Variants in IL13RA1 observed in about 807,000 individuals in gnomAD.
IL13RA1 encodes interleukin-13 receptor subunit alpha-1.
IL13RA1 carries 14 observed loss-of-function variants against 33.8 expected under a neutral mutation model. The ratio of observed to expected loss-of-function variants is 0.41; its 90% CI spans 0.27 to 0.65. The LOEUF is 0.65. Ranked by LOEUF, IL13RA1 falls within the 30% of genes least tolerant of loss-of-function variation. The probability of loss-of-function intolerance (pLI) is 0.28; values close to 1 mark genes in which losing one functional copy is unlikely to be tolerated. For missense variants in IL13RA1, 313 were observed against 327.0 expected (o/e 0.96, Z 0.33); for synonymous variants, 116 against 115.7 (o/e 1.00, Z -0.02).
intron 6 of IL13RA1, among the ~76,000 whole-genome samples, chrX:118,765,173 C>T (rs1220159226): frequency 9.0e-6 from 1 of 111,550 alleles, no homozygotes; most frequent in Non-Finnish European, 1.9e-5. Flanking sequence ...TCTCAGCTCA[C>T]TGCAACCTCC....
At chrX:118,775,633 C>T (rs2017773838) in intron 9 of IL13RA1, among the ~76,000 whole-genome samples, 1 of 111,073 alleles carries the variant, frequency 9.0e-6, no homozygotes, top group African/African-American at 3.3e-5. Flanking sequence ...CTGTTAGTTG[C>T]CTGTCTGTGG....
chrX:118,739,380 G>A (rs2017318364), intron 1 of IL13RA1, among the ~76,000 whole-genome samples: 1 of 111,682 alleles, frequency 9.0e-6, no homozygotes, highest in South Asian at 3.7e-4. Context: ...TGCTCAGTTA[G>A]GGAGGAAGGT....
intron 1 of IL13RA1, among the ~76,000 whole-genome samples, chrX:118,730,776 C>G (rs1251463052): frequency 8.9e-6 from 1 of 112,098 alleles, no homozygotes; most frequent in Non-Finnish European, 1.9e-5. Context: ...CGAACCCTTC[C>G]TGTCCAGGAC....
chrX:118,739,467 C>G (rs771379557), intron 1 of IL13RA1, among the ~76,000 whole-genome samples: 2 of 112,115 alleles, frequency 1.8e-5, no homozygotes, highest in African/African-American at 6.5e-5. Flanking sequence ...AGATTTAACT[C>G]TATCATTTGG....
chrX:118,770,298 C>A (rs770332342), intron 8 of IL13RA1: 1 of 347,288 alleles, frequency 2.9e-6, no homozygotes, highest in Non-Finnish European at 5.6e-6. Context: ...AACGACTCCT[C>A]GCTGTGGCAC....
chrX:118,780,389 A>G (rs766881479), intron 10 of IL13RA1, among the ~76,000 whole-genome samples: 1 of 112,890 alleles, frequency 8.9e-6, no homozygotes, highest in Non-Finnish European at 1.9e-5. Flanking sequence ...AGATGGGGAC[A>G]TGAGGAGCCA....
chrX:118,757,678 C>CTTTTTTTTTTT (rs765835021), intron 4 of IL13RA1, among the ~76,000 whole-genome samples: 2 of 58,352 alleles, frequency 3.4e-5, no homozygotes, highest in African/African-American at 7.4e-5. Flanking sequence ...AGAATTCTGC[C>CTTTTTTTTTTT]TTTTTTTTTT....
chrX:118,770,323 C>T (rs771277942), intron 8 of IL13RA1: 30 of 351,881 alleles, frequency 8.5e-5, no homozygotes, highest in East Asian at 8.4e-4. Flanking sequence ...GCTGGCCCGG[C>T]GAGCCCTACG....
At chrX:118,756,473 G>A (rs2017531496) in intron 4 of IL13RA1, among the ~76,000 whole-genome samples, 1 of 111,667 alleles carries the variant, frequency 9.0e-6, no homozygotes, top group Non-Finnish European at 1.9e-5. Context: ...ACAGTGGAGT[G>A]AGACACTTAG....
At chrX:118,770,077 G>T in intron 8 of IL13RA1, 2 of 257,823 alleles carry the variant, frequency 7.8e-6, no homozygotes, top group South Asian at 7.3e-5. Context: ...CATGCGCCTG[G>T]TACTTCTCAC....
At position 118,793,816 on chromosome X, in the gene IL13RA1, C is replaced by T. The variant is rs1470706268; in HGVS notation, c.*1962C>T. 2 of 111,701 alleles carry T rather than the reference C, an allele frequency of 1.8e-5. No individual in the cohort carries two copies. Among genetic ancestry groups the T allele is most frequent in the African/African-American group, 6.5e-5 (2 of 30,673 alleles). The allele number at this position is 111,701 out of a possible 1,213,427, so 9.2% of individuals were successfully genotyped here. On this transcript the variant is annotated 3_prime_UTR_variant, in exon 11 of 11. Coordinates refer to ENST00000371666, the MANE Select transcript of IL13RA1 (RefSeq NM_001560.3). ...CATGGCCGTGTAGAAGCATGGTGCCCTGGCTTCTCTGAGGAAGCTGGGGTT... is the reference window on the plus strand; with the variant it reads ...CATGGCCGTGTAGAAGCATGGTGCCTTGGCTTCTCTGAGGAAGCTGGGGTT...
At chrX:118,747,758 A>G (rs981853735) in intron 3 of IL13RA1, among the ~76,000 whole-genome samples, 2 of 110,615 alleles carry the variant, frequency 1.8e-5, no homozygotes, top group Non-Finnish European at 3.8e-5. Context: ...CTCTTATGTT[A>G]CATACAGGGA....
chrX:118,784,502 C>T (rs776160068), intron 10 of IL13RA1, among the ~76,000 whole-genome samples: 94 of 111,081 alleles, frequency 8.5e-4, no homozygotes, highest in Non-Finnish European at 1.5e-3. Flanking sequence ...AGATATTTTT[C>T]CATATGCTCT....
At chrX:118,798,391 T>G (rs1158629714), downstream of IL13RA1, among the ~76,000 whole-genome samples, 1 of 111,798 alleles carries the variant, frequency 8.9e-6, no homozygotes, top group African/African-American at 3.3e-5. Flanking sequence ...TTTCTTTGAT[T>G]TATTTTTGTA....
intron 10 of IL13RA1, among the ~76,000 whole-genome samples, chrX:118,781,595 G>A (rs1364541423): frequency 5.3e-5 from 6 of 112,433 alleles, no homozygotes; most frequent in African/African-American, 1.3e-4. Flanking sequence ...CAGGTGGTCC[G>A]CCCGCCTTGG....
At position 118,791,943 on chromosome X, in the gene IL13RA1, C is replaced by G; in HGVS notation, c.*89C>G. The G allele has an allele frequency of 8.3e-6, 4 of 482,986 alleles. No homozygotes were observed. The highest frequency in any genetic ancestry group is 1.4e-5 in the Non-Finnish European group (4 of 280,585). The allele number at this position is 482,986 out of a possible 1,213,427, so 39.8% of individuals were successfully genotyped here. ...TATCTGGGAACTTATTAAATGGAAA[C>G]TGAAACTACTGCACCATTTAAAAAC... On this transcript the variant is annotated 3_prime_UTR_variant, in exon 11 of 11. Transcript: ENST00000371666.
intron 8 of IL13RA1, among the ~76,000 whole-genome samples, chrX:118,771,076 C>T (rs1259907978): frequency 8.9e-6 from 1 of 111,792 alleles, no homozygotes. Flanking sequence ...GTGAAACATC[C>T]TTGCAAACTC....
intron 10 of IL13RA1, among the ~76,000 whole-genome samples, chrX:118,776,951 G>A (rs2801449): frequency 0.17 from 17,742 of 103,513 alleles, 1,443 homozygotes; most frequent in East Asian, 0.44. Context: ...ATGACAGAGC[G>A]AGACTCTCTA....
chrX:118,803,313 C>A, the IL13RA1 span, among the ~76,000 whole-genome samples: 3 of 112,075 alleles, frequency 2.7e-5, no homozygotes, highest in Admixed American at 9.5e-5. Flanking sequence ...AGTGAATGGT[C>A]ATATACCCAT....
Sources: gnomAD v4.1 joint callset for allele counts (sites outside exome capture counted in the v4.1 genomes callset) on GRCh38, gnomAD v4.1.1 for gene constraint, MANE v1.5 for transcripts, NCBI Gene and HGNC (gene_info 2026-07-23, HGNC 2026-07-21) for gene names.